CDK19: variants seen among roughly 807,000 people sequenced by gnomAD.
CDK19 encodes cyclin dependent kinase 19.
A neutral mutation model predicts 68.3 loss-of-function variants in CDK19; 20 were observed. The observed-to-expected ratio is 0.29, with a 90% confidence interval of 0.21 to 0.43. The LOEUF is 0.43. CDK19 is among the 20% of genes least tolerant of loss of function. CDK19 has a pLI of 1.00. For missense variants in CDK19, 339 were observed against 623.5 expected (o/e 0.54, Z 4.86); for synonymous variants, 221 against 222.8 (o/e 0.99, Z 0.07).
At chr6:110,648,204 C>T (rs1360201940) in intron 4 of CDK19, among the ~76,000 whole-genome samples, 13 of 152,078 alleles carry the variant, frequency 8.5e-5, no homozygotes, top group African/African-American at 2.7e-4. Flanking sequence ...AATATAAACC[C>T]GGTACTATAA....
At chr6:110,750,877 C>A (rs111511261) in intron 1 of CDK19, among the ~76,000 whole-genome samples, 5 of 152,174 alleles carry the variant, frequency 3.3e-5, no homozygotes, top group African/African-American at 1.2e-4. Context: ...ACTCTGTCAC[C>A]CAGGCTGGAG....
At chr6:110,660,376 C>A (rs1781545888) in intron 4 of CDK19, among the ~76,000 whole-genome samples, 1 of 152,106 alleles carries the variant, frequency 6.6e-6, no homozygotes, top group Non-Finnish European at 1.5e-5. Context: ...GTGCCCATGA[C>A]CCCTTAAGCC....
At position 110,612,468 on chromosome 6, in the gene CDK19, C is replaced by T. The variant is rs1778077943; in HGVS notation, c.*2067G>A. The stretch of plus-strand genomic sequence containing the variant: ...AGACCTTCATATTATAAGACAGTTT[C>T]ACTTGTAAGTCAATCACATGGCACA... On this transcript the variant is annotated 3_prime_UTR_variant, in exon 13 of 13. Transcript: ENST00000368911. 6.6e-6 allele frequency: 1 copy of T among 152,568 alleles called. No homozygotes were observed. Among genetic ancestry groups the T allele is most frequent in the Admixed American group, 6.5e-5 (1 of 15,284 alleles). The allele number at this position is 152,568 out of a possible 1,614,324, so 9.5% of individuals were successfully genotyped here. A position where few individuals can be genotyped will look rare whatever the true frequency, so the allele number is the denominator to read the frequency against.
intron 12 of CDK19, among the ~76,000 whole-genome samples, chr6:110,617,912 C>T (rs965394701): frequency 4.3e-5 from 6 of 137,970 alleles, no homozygotes; most frequent in African/African-American, 1.6e-4. Flanking sequence ...CTTTGAATTT[C>T]TGCTTAAAAA....
chr6:110,722,088 A>C (rs79821789), intron 2 of CDK19, among the ~76,000 whole-genome samples: 4,252 of 152,318 alleles, frequency 0.028, 84 homozygotes, highest in South Asian at 0.083. Flanking sequence ...TGCATAAATA[A>C]CATATGACAT....
chr6:110,650,803 A>C (rs1163623877), intron 4 of CDK19, among the ~76,000 whole-genome samples: 3 of 152,104 alleles, frequency 2.0e-5, no homozygotes, highest in African/African-American at 7.2e-5. Context: ...TAAAGAGAGG[A>C]AACCCAAGGA....
At chr6:110,744,923 A>C (rs1477514475) in intron 2 of CDK19, among the ~76,000 whole-genome samples, 1 of 152,248 alleles carries the variant, frequency 6.6e-6, no homozygotes, top group African/African-American at 2.4e-5. Context: ...ATGCAGGTGA[A>C]GCAGAAACAT....
At chr6:110,714,209 G>A (rs1424340584) in intron 2 of CDK19, among the ~76,000 whole-genome samples, 1 of 152,144 alleles carries the variant, frequency 6.6e-6, no homozygotes, top group African/African-American at 2.4e-5. Context: ...TGTCTGGGTT[G>A]TTTCATTTCA....
chr6:110,703,229 A>AT lies in CDK19; in HGVS notation c.205-32689dup, dbSNP rs1166378713. On this transcript the variant is annotated intron_variant, in intron 2 of 12. Coordinates refer to ENST00000368911, the MANE Select transcript of CDK19 (RefSeq NM_015076.5). ...TTGAAAACACCAGTGCACATCATAG[A>AT]TTATGAGCAAGAAAGAGCCAGACCA... 2.0e-5 allele frequency among the ~76,000 whole-genome samples: 3 copies of AT among 152,164 alleles called. No homozygotes were observed. The East Asian group carries it at 5.8e-4, about 29-fold the overall frequency.
At chr6:110,617,080 G>A (rs571095056) in intron 12 of CDK19, among the ~76,000 whole-genome samples, 25 of 152,206 alleles carry the variant, frequency 1.6e-4, no homozygotes, top group Admixed American at 7.2e-4. Flanking sequence ...GTTTTTCTCT[G>A]ACCTTTTTGT....
At chr6:110,704,295 T>C (rs1472432056) in intron 2 of CDK19, among the ~76,000 whole-genome samples, 1 of 152,204 alleles carries the variant, frequency 6.6e-6, no homozygotes, top group African/African-American at 2.4e-5. Context: ...CCATGTACTG[T>C]GTATTTTGCA....
intron 1 of CDK19, among the ~76,000 whole-genome samples, chr6:110,783,679 A>G (rs1780986641): frequency 6.6e-6 from 1 of 151,888 alleles, no homozygotes; most frequent in South Asian, 2.1e-4. Flanking sequence ...AGATCTAAAT[A>G]TAAGAGCTTA....
At chr6:110,638,476 G>GA (rs1322531703) in intron 5 of CDK19, among the ~76,000 whole-genome samples, 173 bp downstream of exon 5, 2 of 151,934 alleles carry the variant, frequency 1.3e-5, no homozygotes, top group African/African-American at 4.8e-5. Context: ...CTTATTTTGG[G>GA]AAAAAACCTA....
At chr6:110,750,344 AG>A (rs1778391118) in intron 1 of CDK19, among the ~76,000 whole-genome samples, 14 of 108,786 alleles carry the variant, frequency 1.3e-4, no homozygotes, top group Non-Finnish European at 2.1e-4. Context: ...AAACTAGGCC[AG>A]CAGCCAGAGG....
chr6:110,792,378 C>G (rs1023716112), intron 1 of CDK19, among the ~76,000 whole-genome samples: 1 of 151,812 alleles, frequency 6.6e-6, no homozygotes, highest in African/African-American at 2.4e-5. Flanking sequence ...ACCAATTTTT[C>G]TTTCCTAATA....
chr6:110,796,677 T>C (rs2115092233), intron 1 of CDK19, among the ~76,000 whole-genome samples: 1 of 151,524 alleles, frequency 6.6e-6, no homozygotes, highest in African/African-American at 2.4e-5. Flanking sequence ...AAAAATAAAA[T>C]ACACATAAAT....
chr6:110,769,804 C>T (rs1179570232), intron 1 of CDK19, among the ~76,000 whole-genome samples: 1 of 152,012 alleles, frequency 6.6e-6, no homozygotes, highest in Middle Eastern at 3.2e-3. Context: ...TACAGATACT[C>T]TATTGAGATT....
At position 110,761,469 on chromosome 6, in the gene CDK19, A is replaced by G. The variant is rs181820661; in HGVS notation, c.129-15268T>C. Among the ~76,000 whole-genome samples, 137 of 152,344 alleles carry G rather than the reference A, an allele frequency of 9.0e-4. No homozygotes were observed. In the Middle Eastern group the frequency reaches 0.01, roughly 11 times the overall value. ...AAAGAACTGCAAAAACTTGATTCCCAGTGTCTAGCTCGGGCAATGGGTGAT... is the reference window on the plus strand; with the variant it reads ...AAAGAACTGCAAAAACTTGATTCCCGGTGTCTAGCTCGGGCAATGGGTGAT... On this transcript the variant is annotated intron_variant, in intron 1 of 12. Transcript: ENST00000368911.
Position 110,811,768 on chromosome 6 carries a change from G to A in CDK19, c.128+3241C>T, listed in dbSNP as rs909533484. The stretch of plus-strand genomic sequence containing the variant: ...AACATTTGGCTGGGTGTGGTGGCAT[G>A]AGCCTGTAATGCCAGCACTTTGGGA... On this transcript the variant is annotated intron_variant, in intron 1 of 12. Coordinates refer to ENST00000368911, the MANE Select transcript of CDK19 (RefSeq NM_015076.5). 2.6e-5 allele frequency among the ~76,000 whole-genome samples: 4 copies of A among 151,998 alleles called. No individual in the cohort carries two copies. The South Asian group carries it at 6.2e-4, about 24-fold the overall frequency.
Sources: allele counts gnomAD v4.1 joint callset (sites outside exome capture counted in the v4.1 genomes callset), GRCh38; gene constraint gnomAD v4.1.1; transcripts MANE v1.5; gene names NCBI Gene and HGNC (gene_info 2026-07-23, HGNC 2026-07-21).